NPIPB2: variants seen among roughly 807,000 people sequenced by gnomAD.
The protein encoded by NPIPB2 is nuclear pore complex-interacting protein family member B2.
A neutral mutation model predicts 30.8 loss-of-function variants in NPIPB2; 27 were observed. That is an observed-to-expected ratio of 0.88 (90% confidence interval 0.65 to 1.21). NPIPB2 has a LOEUF of 1.21. Ranked by LOEUF, NPIPB2 falls within the 50% of genes most tolerant of loss-of-function variation. The pLI, the probability that NPIPB2 is intolerant of heterozygous loss-of-function variation, is 0.00. For synonymous variants in NPIPB2, 147 were observed against 162.0 expected (o/e 0.91, Z 0.70); for missense variants, 440 against 446.2 (o/e 0.99, Z 0.13).
chr16:11,928,534 C>T, intron 7 of NPIPB2: 9 of 3,710 alleles, frequency 2.4e-3, no homozygotes, highest in Non-Finnish European at 3.7e-3. Context: ...CTCTCATTTC[C>T]CCTCTGTTTC....
intron 1 of NPIPB2, among the ~76,000 whole-genome samples, chr16:11,974,443 G>A (rs757121755): frequency 1.3e-5 from 2 of 152,106 alleles, no homozygotes; most frequent in African/African-American, 4.8e-5. Context: ...CTAGAACCCG[G>A]GAAGCGGAGG....
chr16:11,951,154 C>T (rs538121878), intron 1 of NPIPB2, among the ~76,000 whole-genome samples: 7 of 151,930 alleles, frequency 4.6e-5, no homozygotes, highest in Admixed American at 1.3e-4. Context: ...AATTCAGTTT[C>T]GAGAAAAATT....
intron 1 of NPIPB2, among the ~76,000 whole-genome samples, chr16:11,974,998 C>T (rs915419338): frequency 6.6e-5 from 10 of 151,396 alleles, no homozygotes; most frequent in Non-Finnish European, 1.0e-4. Flanking sequence ...TCACTTGAAC[C>T]CGGGAGGTGG....
At chr16:11,945,878 T>A (rs576479307), upstream of NPIPB2, among the ~76,000 whole-genome samples, 8 of 147,540 alleles carry the variant, frequency 5.4e-5, no homozygotes, top group Non-Finnish European at 1.0e-4. Context: ...GTCTGTCTCA[T>A]TTCTGTCTCT....
chr16:11,938,962 G>T (rs1024514264), intron 1 of NPIPB2, among the ~76,000 whole-genome samples: 1 of 151,802 alleles, frequency 6.6e-6, no homozygotes, highest in African/African-American at 2.4e-5. Context: ...TGGCCAGGCT[G>T]GTCTCCAACT....
In NPIPB2 at chr16:11,927,655, CA is replaced by C. The variant is rs1345093070; in HGVS notation, c.911del (p.Leu304ArgfsTer22). On this transcript the variant is annotated frameshift_variant, in exon 8 of 8. Transcript: ENST00000399147. LOFTEE classifies it high-confidence loss of function. ...GAGCTGAGGGTGGAAGGGGAGTGAG[CA>C]GACACTCGGGAGGTGTCTTGAGATT... is the stretch of plus-strand genomic sequence containing the variant. The C allele has an allele frequency of 2.5e-6, 4 of 1,597,480 alleles. No homozygotes were observed. Among genetic ancestry groups the C allele is most frequent in the Non-Finnish European group, 3.4e-6 (4 of 1,177,516 alleles).
intron 5 of NPIPB2, 27 bp downstream of exon 5, chr16:11,930,423 A>C: frequency 5.9e-6 from 9 of 1,534,120 alleles, no homozygotes; most frequent in Non-Finnish European, 7.9e-6. Flanking sequence ...GTTTCCCAAG[A>C]GGGTGGGGTT....
At position 11,975,648 on chromosome 16, in the gene NPIPB2, T is replaced by C. The variant is rs866235007; in HGVS notation, c.-584+920A>G. On this transcript the variant is annotated intron_variant, in intron 1 of 5. Transcript: ENST00000538896. Reference sequence around the variant, plus strand: ...CTCTGTCACCCAGGCTGGAGTGCAGTGGTGGGATCTCGGCTCACTGAAACC... The same window carrying C: ...CTCTGTCACCCAGGCTGGAGTGCAGCGGTGGGATCTCGGCTCACTGAAACC... Among the ~76,000 whole-genome samples, 7 of 152,028 alleles carry C rather than the reference T, an allele frequency of 4.6e-5. No individual in the cohort carries two copies. The South Asian group carries it at 1.5e-3, about 32-fold the overall frequency.
chr16:11,940,701 A>C (rs1042621898), intron 1 of NPIPB2, among the ~76,000 whole-genome samples: 18 of 136,712 alleles, frequency 1.3e-4, no homozygotes, highest in Middle Eastern at 3.9e-3. Flanking sequence ...CGGAGGTTGC[A>C]GTGAGCCGAG....
intron 2 of NPIPB2, among the ~76,000 whole-genome samples, 184 bp from the exon 3 acceptor site, chr16:11,934,108 G>A (rs557723989): frequency 1.7e-4 from 26 of 151,982 alleles, no homozygotes; most frequent in African/African-American, 5.3e-4. Context: ...GCGGGCGCCT[G>A]TAATCCGAGC....
At chr16:11,943,488 G>A (rs1171848501), upstream of NPIPB2, among the ~76,000 whole-genome samples, 1 of 152,108 alleles carries the variant, frequency 6.6e-6, no homozygotes, top group Non-Finnish European at 1.5e-5. Flanking sequence ...CGGATCACGA[G>A]GTTAGGAGTT....
chr16:11,959,183 T>C (rs12929036), intron 1 of NPIPB2, among the ~76,000 whole-genome samples: 20,747 of 152,082 alleles, frequency 0.14, 2,261 homozygotes, highest in African/African-American at 0.28. Flanking sequence ...ACTGGATTCC[T>C]CACTGTTCCT....
At position 11,934,380 on chromosome 16, in the gene NPIPB2, G is replaced by A. The variant is rs1191297566; in HGVS notation, c.193-456C>T. On this transcript the variant is annotated intron_variant, in intron 2 of 7. Transcript: ENST00000399147. ...ACCAGCCTCACCAACATGGAGAAAC[G>A]CTGTCTCTGCTAAAAATACAAAATT... is the stretch of plus-strand genomic sequence containing the variant. 4.6e-5 allele frequency among the ~76,000 whole-genome samples: 7 copies of A among 150,638 alleles called. No individual in the cohort carries two copies. In the South Asian group the frequency reaches 1.1e-3, roughly 23 times the overall value.
chr16:11,975,739 C>T (rs1037452750), intron 1 of NPIPB2, among the ~76,000 whole-genome samples: 10 of 151,902 alleles, frequency 6.6e-5, no homozygotes, highest in African/African-American at 2.2e-4. Context: ...TACAGGCGCA[C>T]GCCACCATGC....
At chr16:11,952,274 G>A (rs534190966) in intron 1 of NPIPB2, among the ~76,000 whole-genome samples, 2 of 151,756 alleles carry the variant, frequency 1.3e-5, no homozygotes, top group East Asian at 1.9e-4. Context: ...TGTGAACCGG[G>A]GAGGTGGAGC....
chr16:11,941,395 A>C (rs2054938518), intron 1 of NPIPB2: 2 of 293,880 alleles, frequency 6.8e-6, no homozygotes, highest in African/African-American at 3.8e-5. Context: ...GGGGGAAGTA[A>C]GGGAAGGGAA....
At chr16:11,965,740 T>C (rs918324546) in intron 1 of NPIPB2, among the ~76,000 whole-genome samples, 1 of 152,184 alleles carries the variant, frequency 6.6e-6, no homozygotes, top group East Asian at 1.9e-4. Flanking sequence ...ATTAAGGTGA[T>C]TGAATGGAAA....
At chr16:11,958,573 AT>A (rs1199715814) in intron 1 of NPIPB2, among the ~76,000 whole-genome samples, 1 of 151,986 alleles carries the variant, frequency 6.6e-6, no homozygotes, top group Non-Finnish European at 1.5e-5. Context: ...TTTGCAAAAA[AT>A]AAAGTTAAAT....
At chr16:11,934,919 C>T (rs909400622) in intron 2 of NPIPB2, among the ~76,000 whole-genome samples, 19 of 146,434 alleles carry the variant, frequency 1.3e-4, no homozygotes, top group African/African-American at 3.8e-4. Context: ...CACTTCAACA[C>T]GGTTAGATGG....
Sources: allele counts gnomAD v4.1 joint callset (sites outside exome capture counted in the v4.1 genomes callset), GRCh38; gene constraint gnomAD v4.1.1; transcripts MANE v1.5; gene names NCBI Gene and HGNC (gene_info 2026-07-23, HGNC 2026-07-21).